SECISBP2: variants seen among roughly 807,000 people sequenced by gnomAD.
SECISBP2 encodes SECIS binding protein 2.
SECISBP2 carries 96 observed loss-of-function variants against 98.2 expected under a neutral mutation model. The ratio of observed to expected loss-of-function variants is 0.98; its 90% CI spans 0.83 to 1.16. The LOEUF is 1.16. Among genes scored for constraint, SECISBP2 ranks in the 50% most tolerant of loss-of-function variants. The pLI, the probability that SECISBP2 is intolerant of heterozygous loss-of-function variation, is 0.00. For missense variants in SECISBP2, 1,046 were observed against 1,022.9 expected, an observed-to-expected ratio of 1.02 and a Z score of -0.31; for synonymous variants, 407 against 370.2, an observed-to-expected ratio of 1.10 and a Z score of -1.14.
At chr9:89,360,025 T>G (rs1474720199), downstream of SECISBP2, among the ~76,000 whole-genome samples, 1 of 152,222 alleles carries the variant, frequency 6.6e-6, no homozygotes, top group Non-Finnish European at 1.5e-5. Context: ...ATTGGAATAG[T>G]GAGTCAGAAA....
chr9:89,348,298 G>A, intron 12 of SECISBP2, 84 bp downstream of exon 12: 1 of 1,504,650 alleles, frequency 6.6e-7, no homozygotes, highest in Non-Finnish European at 9.3e-7. Context: ...AAACTCTCCA[G>A]GACTTGGCTG....
downstream of SECISBP2, chr9:89,364,227 C>A: frequency 5.4e-6 from 3 of 552,876 alleles, no homozygotes; most frequent in Non-Finnish European, 9.4e-6. Context: ...GACCCCCTTT[C>A]TTGCAGCGCT....
At position 89,341,331 on chromosome 9, in the gene SECISBP2, A is replaced by G. The variant is rs1432996155; in HGVS notation, c.1303-16A>G. Reference sequence around the variant, plus strand: ...GTATAGTTTTATAAGTAAACTTACGAATTTTGAACTTTCAGGATAATTTTA... The same window carrying G: ...GTATAGTTTTATAAGTAAACTTACGGATTTTGAACTTTCAGGATAATTTTA... On this transcript the variant is annotated splice_polypyrimidine_tract_variant and intron_variant, in intron 9 of 16. Coordinates refer to ENST00000375807, the MANE Select transcript of SECISBP2 (RefSeq NM_024077.5). The G allele has an allele frequency of 6.2e-7, 1 of 1,611,206 alleles. No homozygotes were observed. The highest frequency in any genetic ancestry group is 2.2e-5 in the East Asian group (1 of 44,846).
intron 4 of SECISBP2, among the ~76,000 whole-genome samples, chr9:89,326,872 A>G (rs1337610142): frequency 3.3e-5 from 5 of 152,204 alleles, no homozygotes; most frequent in Admixed American, 1.3e-4. Flanking sequence ...TGTGTATCAA[A>G]ATATAGAAAA....
chr9:89,364,703 ACACT>A, the SECISBP2 span: 4 of 152,736 alleles, frequency 2.6e-5, no homozygotes, highest in Non-Finnish European at 5.8e-5. Flanking sequence ...TACTTCACAC[ACACT>A]CAGACCATCT....
chr9:89,348,962 C>T (rs1830850791), intron 12 of SECISBP2, among the ~76,000 whole-genome samples: 2 of 152,214 alleles, frequency 1.3e-5, no homozygotes, highest in African/African-American at 2.4e-5. Flanking sequence ...AGGGTTGCTG[C>T]GGACAGTGTT....
chr9:89,337,872 T>A (rs992792333), intron 7 of SECISBP2, among the ~76,000 whole-genome samples: 2 of 152,074 alleles, frequency 1.3e-5, no homozygotes, highest in African/African-American at 4.8e-5. Flanking sequence ...AAGCAACGGG[T>A]AGATGGAGAT....
rs1267368739 is a variant in SECISBP2, at chr9:89,325,376, T to G, written c.183-51T>G. The G allele has an allele frequency of 1.9e-6, 3 of 1,572,150 alleles. No homozygotes were observed. In the South Asian group the frequency reaches 3.3e-5, roughly 17 times the overall value. ...TGAATTAGTTTATTACAGAAAAGCT[T>G]CTTGGTTTGCAGTATGAAATCTGCA... On this transcript the variant is annotated intron_variant, in intron 2 of 16. Transcript: ENST00000375807.
intron 1 of SECISBP2, 172 bp downstream of exon 1, chr9:89,318,784 C>T (rs949623909): frequency 4.3e-5 from 54 of 1,254,114 alleles, no homozygotes; most frequent in South Asian, 6.6e-5. Context: ...CTCGGGTCCG[C>T]CTTGGGGTGG....
At chr9:89,354,247 A>G (rs1321645544) in intron 14 of SECISBP2, among the ~76,000 whole-genome samples, 1 of 152,220 alleles carries the variant, frequency 6.6e-6, no homozygotes, top group Non-Finnish European at 1.5e-5. Flanking sequence ...GGCCACCACC[A>G]GGCTCAGTGA....
chr9:89,338,028 G>C (rs982322891), intron 7 of SECISBP2, among the ~76,000 whole-genome samples: 5 of 152,230 alleles, frequency 3.3e-5, no homozygotes, highest in African/African-American at 1.2e-4. Context: ...GCAGTCCTGG[G>C]ATGGTCCCAG....
At chr9:89,348,316 T>G in intron 12 of SECISBP2, 102 bp downstream of exon 12, 8 of 1,369,802 alleles carry the variant, frequency 5.8e-6, no homozygotes, top group Admixed American at 1.7e-5. Context: ...CTGACTCCTC[T>G]TCCTTTTGTG....
At chr9:89,332,761 C>A in intron 5 of SECISBP2, 147 bp from the exon 6 acceptor site, 1 of 697,336 alleles carries the variant, frequency 1.4e-6, no homozygotes, top group Non-Finnish European at 2.6e-6. Context: ...TATTAAATAT[C>A]TCCCAAAGTG....
At chr9:89,334,097 T>C in intron 6 of SECISBP2, 1 of 1,125,456 alleles carries the variant, frequency 8.9e-7, no homozygotes. Context: ...AATTACCAGT[T>C]ATTGTGATAG....
chr9:89,321,757 A>G (rs1825850252), intron 2 of SECISBP2, among the ~76,000 whole-genome samples: 1 of 152,234 alleles, frequency 6.6e-6, no homozygotes, highest in Non-Finnish European at 1.5e-5. Context: ...AAACAAGGAT[A>G]AGGAAGGCAT....
chr9:89,329,198 C>T (rs1490414325), intron 5 of SECISBP2: 2 of 308,364 alleles, frequency 6.5e-6, no homozygotes, highest in East Asian at 8.7e-5. Flanking sequence ...CTGCAACCTC[C>T]GCCTCCCGGG....
Position 89,341,471 on chromosome 9 carries a change from T to C in SECISBP2, c.1427T>C (p.Val476Ala), listed in dbSNP as rs773022344. 4 of 1,614,150 alleles carry C rather than the reference T, an allele frequency of 2.5e-6. No individual in the cohort carries two copies. The highest frequency in any genetic ancestry group is 2.5e-6 in the Non-Finnish European group (3 of 1,179,992). Residue 476 changes from valine (V) to alanine (A), a missense_variant, in exon 10 of 17, where the codon GTA becomes GCA. Val to Ala is a moderately conservative substitution (Grantham distance 64, BLOSUM62 0). Coordinates refer to ENST00000375807, the MANE Select transcript of SECISBP2 (RefSeq NM_024077.5). Reference protein sequence around the residue: ...QHAKQSSKPVVVSVGAVPVLS... With the variant: ...QHAKQSSKPVAVSVGAVPVLS... ...GCAAAGCAGTCCTCCAAACCAGTGGTAGTCTCAGGTAAGAGAGTCTTTCCA... is the reference window on the plus strand; with the variant it reads ...GCAAAGCAGTCCTCCAAACCAGTGGCAGTCTCAGGTAAGAGAGTCTTTCCA...
At chr9:89,358,309 T>G (rs1832413306) in intron 16 of SECISBP2, 118 bp downstream of exon 16, 1 of 1,055,884 alleles carries the variant, frequency 9.5e-7, no homozygotes, top group Non-Finnish European at 1.4e-6. Context: ...TAGCAGGGCC[T>G]GGTAAGTCCA....
intron 14 of SECISBP2, chr9:89,354,716 G>C: frequency 1.6e-5 from 15 of 964,286 alleles, no homozygotes; most frequent in Non-Finnish European, 1.9e-5. Flanking sequence ...CTGACAGGCA[G>C]CCTCGAGAGG....
Sources: gnomAD v4.1 joint callset for allele counts (sites outside exome capture counted in the v4.1 genomes callset) on GRCh38, gnomAD v4.1.1 for gene constraint, MANE v1.5 for transcripts, NCBI Gene and HGNC (gene_info 2026-07-23, HGNC 2026-07-21) for gene names.